Variants in AMMECR1 observed in about 807,000 individuals in gnomAD.
AMMECR1 encodes nuclear protein AMMECR1.
Under a neutral mutation model 22.5 loss-of-function variants are expected in AMMECR1, and 3 were observed. That is an observed-to-expected ratio of 0.13 (90% confidence interval 0.06 to 0.35). The LOEUF (loss-of-function observed/expected upper bound fraction) is 0.35. Among genes scored for constraint, AMMECR1 ranks in the 10% least tolerant of loss-of-function variants. The probability of loss-of-function intolerance (pLI) is 1.00; values close to 1 mark genes in which losing one functional copy is unlikely to be tolerated. For synonymous variants in AMMECR1, 130 were observed against 116.7 expected (o/e 1.11, Z -0.74); for missense variants, 235 against 278.7 (o/e 0.84, Z 1.12).
rs1337441250 is a variant in AMMECR1 at position 110,358,946 on chromosome X, A to C, written c.-147-41097T>G. On this transcript the variant is annotated intron_variant, in intron 2 of 7. Transcript: ENST00000372057. The stretch of plus-strand genomic sequence containing the variant: ...GGAGAAGATTATTATTTTATCTAAC[A>C]CGTTCTTCTATAACGCTCTATATGC... 1.7e-4 allele frequency: 19 copies of C among 111,468 alleles called. No individual in the cohort carries two copies. In the Admixed American group the frequency reaches 1.8e-3, roughly 11 times the overall value. The allele number at this position is 111,468 out of a possible 1,213,427, so 9.2% of individuals were successfully genotyped here.
intron 2 of AMMECR1, among the ~76,000 whole-genome samples, chrX:110,226,402 A>G (rs368855965): frequency 1.3e-4 from 15 of 111,564 alleles, no homozygotes; most frequent in African/African-American, 4.9e-4. Context: ...TCAGGAGTTC[A>G]AGACCAGCCT....
chrX:110,387,156 T>A (rs960428983), intron 2 of AMMECR1, among the ~76,000 whole-genome samples: 1 of 111,601 alleles, frequency 9.0e-6, no homozygotes, highest in Non-Finnish European at 1.9e-5. Context: ...ATTGACTGTT[T>A]TTGAGGTGAG....
intron 2 of AMMECR1, among the ~76,000 whole-genome samples, chrX:110,414,871 C>T (rs1323775612): frequency 8.9e-6 from 1 of 112,384 alleles, no homozygotes; most frequent in Non-Finnish European, 1.9e-5. Flanking sequence ...TCCTTTCTCA[C>T]TGCATCCACT....
At chrX:110,228,760 G>A (rs1196233012) in intron 2 of AMMECR1, among the ~76,000 whole-genome samples, 1 of 111,176 alleles carries the variant, frequency 9.0e-6, no homozygotes, top group African/African-American at 3.3e-5. Flanking sequence ...GTCTTCCTCT[G>A]CGTTTCTTAT....
intron 2 of AMMECR1, among the ~76,000 whole-genome samples, chrX:110,333,951 T>A (rs1221754177): frequency 9.0e-6 from 1 of 111,364 alleles, no homozygotes; most frequent in Non-Finnish European, 1.9e-5. Flanking sequence ...GTTCTGCACA[T>A]GTACCCCAGA....
intron 1 of AMMECR1, among the ~76,000 whole-genome samples, chrX:110,316,161 G>A (rs1395896725): frequency 8.9e-6 from 1 of 112,084 alleles, no homozygotes; most frequent in Non-Finnish European, 1.9e-5. Flanking sequence ...CAAAATTAAA[G>A]ACATTTAAAG....
intron 2 of AMMECR1, among the ~76,000 whole-genome samples, chrX:110,222,344 G>A (rs1251703418): frequency 3.4e-4 from 31 of 92,326 alleles, no homozygotes; most frequent in African/African-American, 1.1e-3. Flanking sequence ...ACTATCGCAA[G>A]AACAAAAAAC....
intron 2 of AMMECR1, among the ~76,000 whole-genome samples, chrX:110,385,013 T>C (rs1223200819): frequency 1.8e-5 from 2 of 110,960 alleles, no homozygotes; most frequent in Admixed American, 9.7e-5. Flanking sequence ...ACTATCATAG[T>C]TCCAGCAGAA....
intron 2 of AMMECR1, among the ~76,000 whole-genome samples, chrX:110,225,250 G>A (rs1027344597): frequency 8.9e-6 from 1 of 112,394 alleles, no homozygotes; most frequent in Non-Finnish European, 1.9e-5. Context: ...ATCCTTTCTT[G>A]TTTTGGGGCT....
intron 2 of AMMECR1, among the ~76,000 whole-genome samples, chrX:110,236,453 T>C (rs1308969058): frequency 8.9e-6 from 1 of 112,051 alleles, no homozygotes; most frequent in Non-Finnish European, 1.9e-5. Flanking sequence ...AGTTCATGGA[T>C]ACTAGCCTAT....
At chrX:110,232,810 A>C (rs1296643962) in intron 2 of AMMECR1, among the ~76,000 whole-genome samples, 3 of 104,364 alleles carry the variant, frequency 2.9e-5, no homozygotes, top group Non-Finnish European at 5.9e-5. Context: ...GAATGGCGTG[A>C]ACCCGGGAGG....
At chrX:110,204,325 T>C (rs2067411502) in intron 3 of AMMECR1, among the ~76,000 whole-genome samples, 1 of 111,788 alleles carries the variant, frequency 8.9e-6, no homozygotes, top group African/African-American at 3.3e-5. Context: ...CCCGTCATGT[T>C]AAAATTGAAA....
intron 1 of AMMECR1, 86 bp downstream of exon 1, chrX:110,317,513 G>C (rs1210737864): frequency 9.3e-7 from 1 of 1,081,014 alleles, no homozygotes; most frequent in Non-Finnish European, 1.2e-6. Context: ...GGCATCCGCC[G>C]GCCGGGAGGC....
At chrX:110,212,186 A>C (rs2067450972) in intron 3 of AMMECR1, among the ~76,000 whole-genome samples, 1 of 111,961 alleles carries the variant, frequency 8.9e-6, no homozygotes, top group South Asian at 3.7e-4. Context: ...CCGAGTTAAA[A>C]ACCTTGCATG....
At chrX:110,370,640 G>T (rs942114765) in intron 2 of AMMECR1, among the ~76,000 whole-genome samples, 7 of 111,838 alleles carry the variant, frequency 6.3e-5, no homozygotes, top group Admixed American at 5.7e-4. Flanking sequence ...AAACCTGTAG[G>T]CTTTCCCTAC....
intron 2 of AMMECR1, among the ~76,000 whole-genome samples, chrX:110,235,075 T>C (rs140289036): frequency 0.033 from 3,668 of 112,035 alleles, 55 homozygotes; most frequent in Middle Eastern, 0.078. Flanking sequence ...TTTTGCAATC[T>C]ACTCATCTGA....
intron 2 of AMMECR1, among the ~76,000 whole-genome samples, chrX:110,362,273 A>G (rs1341886715): frequency 1.8e-5 from 2 of 111,713 alleles, no homozygotes; most frequent in Admixed American, 9.6e-5. Flanking sequence ...TAAGCTTGTT[A>G]TATAAAGTAA....
At chrX:110,221,128 T>C (rs2067497960) in intron 2 of AMMECR1, among the ~76,000 whole-genome samples, 1 of 112,265 alleles carries the variant, frequency 8.9e-6, no homozygotes. Flanking sequence ...AAGGAAGTAA[T>C]TAAAACCCAA....
chrX:110,397,811 G>A (rs1453283229), intron 2 of AMMECR1, among the ~76,000 whole-genome samples: 1 of 111,791 alleles, frequency 8.9e-6, no homozygotes, highest in African/African-American at 3.2e-5. Context: ...ACTTGGGGGG[G>A]CAAACAGGCC....
Sources: allele counts gnomAD v4.1 joint callset (sites outside exome capture counted in the v4.1 genomes callset), GRCh38; gene constraint gnomAD v4.1.1; transcripts MANE v1.5; gene names NCBI Gene and HGNC (gene_info 2026-07-23, HGNC 2026-07-21).